Variants in KCNMA1 observed in about 807,000 individuals in gnomAD.
KCNMA1 encodes potassium calcium-activated channel subfamily M alpha 1.
A neutral mutation model predicts 140.0 loss-of-function variants in KCNMA1; 29 were observed. The observed-to-expected ratio is 0.21, with a 90% CI of 0.15 to 0.28. The LOEUF is 0.28. Ranked by LOEUF, KCNMA1 falls within the 10% of genes least tolerant of loss-of-function variation. The probability of loss-of-function intolerance (pLI) is 1.00; values close to 1 mark genes in which losing one functional copy is unlikely to be tolerated. For missense variants in KCNMA1, 880 were observed against 1,602.2 expected (o/e 0.55, Z 7.70); for synonymous variants, 612 against 611.9 (o/e 1.00, Z 0.00).
chr10:77,413,876 A>C (rs1278383841), intron 1 of KCNMA1, among the ~76,000 whole-genome samples: 7 of 152,146 alleles, frequency 4.6e-5, no homozygotes, highest in Non-Finnish European at 8.8e-5. Flanking sequence ...ACTTATAAAG[A>C]AGCTGGGACC....
chr10:76,876,734 C>G (rs368682313), downstream of KCNMA1: 4 of 152,316 alleles, frequency 2.6e-5, no homozygotes, highest in Admixed American at 1.3e-4. Flanking sequence ...AGAAGAATGA[C>G]TGCCCTCTCA....
chr10:77,462,456 C>G (rs1417869387), intron 1 of KCNMA1, among the ~76,000 whole-genome samples: 1 of 152,212 alleles, frequency 6.6e-6, no homozygotes, highest in Non-Finnish European at 1.5e-5. Context: ...CATGCATACA[C>G]ACAGACATGT....
Position 77,153,196 on chromosome 10 carries a change from C to T in KCNMA1, c.808+30225G>A, listed in dbSNP as rs527933825. The stretch of plus-strand genomic sequence containing the variant: ...GAGTTCTCTTTCCAAATAATGTATG[C>T]CAACTTTCAGTGTAATCCAACACTC... On this transcript the variant is annotated intron_variant, in intron 5 of 27. Transcript: ENST00000286628. Among the ~76,000 whole-genome samples the T allele has an allele frequency of 2.6e-5, 4 of 152,220 alleles. No individual in the cohort carries two copies. The East Asian group carries it at 7.7e-4, about 29-fold the overall frequency.
At chr10:77,353,970 T>TTGGG (rs2093192779) in intron 2 of KCNMA1, among the ~76,000 whole-genome samples, 1 of 92,936 alleles carries the variant, frequency 1.1e-5, no homozygotes, top group African/African-American at 5.2e-5. Context: ...CCTCTTTTTT[T>TTGGG]GGGGGGGGGG....
At chr10:77,346,919 T>C (rs973427428) in intron 2 of KCNMA1, among the ~76,000 whole-genome samples, 1 of 152,352 alleles carries the variant, frequency 6.6e-6, no homozygotes, top group African/African-American at 2.4e-5. Flanking sequence ...ACTGCCCTGC[T>C]GACCAAGAAA....
chr10:77,612,522 C>T (rs576348742), intron 1 of KCNMA1, among the ~76,000 whole-genome samples: 5 of 152,262 alleles, frequency 3.3e-5, no homozygotes, highest in South Asian at 2.1e-4. Flanking sequence ...TTCCTAGGAG[C>T]GCTTGTGGTC....
intron 2 of KCNMA1, among the ~76,000 whole-genome samples, chr10:77,349,183 T>G (rs1407810034): frequency 2.0e-5 from 3 of 152,174 alleles, no homozygotes; most frequent in Non-Finnish European, 2.9e-5. Flanking sequence ...GATAACGTCA[T>G]GGAGACAGAG....
intron 23 of KCNMA1, among the ~76,000 whole-genome samples, chr10:76,941,900 C>A (rs191327258): frequency 6.6e-6 from 1 of 152,314 alleles, no homozygotes; most frequent in African/African-American, 2.4e-5. Flanking sequence ...GACTTTCTCG[C>A]AGTGTCCTCA....
chr10:77,388,542 C>G (rs1054290204), intron 2 of KCNMA1, among the ~76,000 whole-genome samples: 3 of 152,324 alleles, frequency 2.0e-5, no homozygotes, highest in Non-Finnish European at 4.4e-5. Flanking sequence ...ACAAACAACT[C>G]TCTTGTAAAT....
At chr10:77,165,411 C>T (rs2098629713) in intron 5 of KCNMA1, among the ~76,000 whole-genome samples, 1 of 152,156 alleles carries the variant, frequency 6.6e-6, no homozygotes, top group Non-Finnish European at 1.5e-5. Context: ...TATTCAGAAT[C>T]CATACATTTG....
At chr10:77,600,021 G>A (rs1480179056) in intron 1 of KCNMA1, among the ~76,000 whole-genome samples, 1 of 152,206 alleles carries the variant, frequency 6.6e-6, no homozygotes, top group Non-Finnish European at 1.5e-5. Context: ...CCATCTCCAT[G>A]TCACAAGAAG....
intron 14 of KCNMA1, among the ~76,000 whole-genome samples, chr10:77,043,794 A>G (rs974726697): frequency 6.6e-6 from 1 of 152,202 alleles, no homozygotes; most frequent in African/African-American, 2.4e-5. Flanking sequence ...GAGTCCTCAA[A>G]TGCATAGAAA....
At chr10:77,592,500 G>T (rs751042412) in intron 1 of KCNMA1, among the ~76,000 whole-genome samples, 1 of 152,214 alleles carries the variant, frequency 6.6e-6, no homozygotes, top group Non-Finnish European at 1.5e-5. Context: ...CAGGTAGACA[G>T]GAATTCTCTG....
chr10:77,347,518 A>G (rs2154382280), intron 2 of KCNMA1, among the ~76,000 whole-genome samples: 1 of 152,202 alleles, frequency 6.6e-6, no homozygotes, highest in Non-Finnish European at 1.5e-5. Flanking sequence ...CTTTAGAGAG[A>G]CGCTTGGGGA....
intron 29 of KCNMA1, among the ~76,000 whole-genome samples, chr10:76,878,585 A>C (rs1236718427): frequency 6.6e-6 from 1 of 152,192 alleles, no homozygotes; most frequent in Non-Finnish European, 1.5e-5. Context: ...TGTTGGTATA[A>C]AGTTATGAAT....
chr10:77,571,124 T>C (rs2673477), intron 1 of KCNMA1, among the ~76,000 whole-genome samples: 107,748 of 151,946 alleles, frequency 0.71, 39,018 homozygotes, highest in South Asian at 0.86. Context: ...CTATTGTTTC[T>C]TCCTCATTTG....
chr10:77,456,811 G>A (rs1285946107), intron 1 of KCNMA1, among the ~76,000 whole-genome samples: 1 of 152,188 alleles, frequency 6.6e-6, no homozygotes, highest in Non-Finnish European at 1.5e-5. Context: ...GAGAGGCAGG[G>A]AACAGACAGG....
chr10:77,026,314 C>A (rs1293923043), intron 16 of KCNMA1, among the ~76,000 whole-genome samples: 1 of 152,186 alleles, frequency 6.6e-6, no homozygotes, highest in Non-Finnish European at 1.5e-5. Context: ...TCACCCACAT[C>A]ATGACATTTT....
chr10:76,934,700 T>A (rs1302125698), intron 23 of KCNMA1, among the ~76,000 whole-genome samples: 1 of 152,160 alleles, frequency 6.6e-6, no homozygotes, highest in Non-Finnish European at 1.5e-5. Flanking sequence ...AGTTGACCTA[T>A]CCTTATCCAG....
Sources: gnomAD v4.1 joint callset for allele counts (sites outside exome capture counted in the v4.1 genomes callset) on GRCh38, gnomAD v4.1.1 for gene constraint, MANE v1.5 for transcripts, NCBI Gene and HGNC (gene_info 2026-07-23, HGNC 2026-07-21) for gene names.